Variants in EYS observed in about 807,000 individuals in gnomAD.
EYS encodes protein eyes shut homolog.
In EYS, 250 loss-of-function variants were observed where a neutral mutation model predicts 282.1. That is an observed-to-expected ratio of 0.89 (90% CI 0.80 to 0.98). EYS has a LOEUF of 0.98. EYS is among the 50% of genes least tolerant of loss of function. The probability of loss-of-function intolerance (pLI) is 0.00; values close to 1 mark genes in which losing one functional copy is unlikely to be tolerated. For synonymous variants in EYS, 1,355 were observed against 1,282.9 expected, an observed-to-expected ratio of 1.06 and a Z score of -1.20; for missense variants, 4,016 against 3,709.0, an observed-to-expected ratio of 1.08 and a Z score of -2.15.
chr6:64,362,679 C>T (rs559097393), intron 29 of EYS, among the ~76,000 whole-genome samples: 1 of 151,694 alleles, frequency 6.6e-6, no homozygotes, highest in South Asian at 2.1e-4. Flanking sequence ...TGTATCATTC[C>T]TGAGGTTTTT....
intron 30 of EYS, among the ~76,000 whole-genome samples, chr6:64,245,595 GA>G (rs1199537818): frequency 6.6e-6 from 1 of 152,122 alleles, no homozygotes; most frequent in Non-Finnish European, 1.5e-5. Flanking sequence ...GGCAACCTCT[GA>G]TCTTTGCAGA....
chr6:63,871,941 G>C (rs1215156829), intron 35 of EYS, among the ~76,000 whole-genome samples: 3 of 152,278 alleles, frequency 2.0e-5, no homozygotes, highest in African/African-American at 7.2e-5. Context: ...CTCCCCTGGA[G>C]AATTACCACC....
intron 12 of EYS, among the ~76,000 whole-genome samples, chr6:65,284,669 T>G (rs1373269599): frequency 6.7e-6 from 1 of 149,588 alleles, no homozygotes; most frequent in Non-Finnish European, 1.5e-5. Context: ...TTTAAATGTA[T>G]AATTAATCAC....
chr6:65,064,431 T>G, intron 12 of EYS, among the ~76,000 whole-genome samples: 1 of 145,794 alleles, frequency 6.9e-6, no homozygotes, highest in East Asian at 2.0e-4. Context: ...ATATACCATA[T>G]ATCATATATA....
intron 12 of EYS, among the ~76,000 whole-genome samples, chr6:65,193,297 C>T (rs566395542): frequency 6.6e-6 from 1 of 151,952 alleles, no homozygotes; most frequent in Non-Finnish European, 1.5e-5. Flanking sequence ...GCATCTGTAC[C>T]TAGAAAGTCT....
intron 33 of EYS, among the ~76,000 whole-genome samples, chr6:64,047,780 G>A (rs1342775979): frequency 6.6e-6 from 1 of 152,148 alleles, no homozygotes; most frequent in Non-Finnish European, 1.5e-5. Context: ...GACAAACTAC[G>A]TGTCCCTACT....
chr6:64,749,160 A>G (rs1278351422), intron 22 of EYS, among the ~76,000 whole-genome samples: 1 of 152,244 alleles, frequency 6.6e-6, no homozygotes, highest in Non-Finnish European at 1.5e-5. Flanking sequence ...AATATGGTAT[A>G]CAAGAGATTT....
intron 33 of EYS, among the ~76,000 whole-genome samples, chr6:64,055,704 G>T (rs543890138): frequency 6.6e-6 from 1 of 152,062 alleles, no homozygotes. Flanking sequence ...TTGTGGTTTT[G>T]GTATGATGAG....
chr6:64,226,047 T>C (rs1329800867), intron 31 of EYS, among the ~76,000 whole-genome samples: 1 of 152,160 alleles, frequency 6.6e-6, no homozygotes, highest in African/African-American at 2.4e-5. Flanking sequence ...TCTGATGATG[T>C]AGACCATCAG....
chr6:64,675,787 C>T (rs1769639739), intron 22 of EYS, among the ~76,000 whole-genome samples: 1 of 151,796 alleles, frequency 6.6e-6, no homozygotes, highest in African/African-American at 2.4e-5. Flanking sequence ...GCTTTCTCTA[C>T]CTATCCTGTA....
chr6:65,494,812 C>A lies in EYS; in HGVS notation c.599G>T (p.Cys200Phe). Residue 200 changes from cysteine to phenylalanine, a missense_variant, in exon 4 of 43, where the codon TGC becomes TTC. Physicochemically the swap from Cys to Phe is radical, Grantham distance 205. Coordinates refer to ENST00000503581, the MANE Select transcript of EYS (RefSeq NM_001142800.2). ...LSEAWSKTYSCHCQPPFSGKY... is the reference protein window; with the variant it reads ...LSEAWSKTYSFHCQPPFSGKY... ...TCCAGAAAATGGAGGCTGGCAATGG[C>A]AGCTATATGTCTTGCTCCAAGCTTC... is the stretch of plus-strand genomic sequence containing the variant. The A allele has an allele frequency of 6.2e-7, 1 of 1,614,066 alleles. No individual in the cohort carries two copies. The highest frequency in any genetic ancestry group is 1.3e-5 in the African/African-American group (1 of 75,024).
chr6:65,310,594 T>A (rs1769130450), intron 11 of EYS, among the ~76,000 whole-genome samples: 1 of 152,150 alleles, frequency 6.6e-6, no homozygotes, highest in Non-Finnish European at 1.5e-5. Context: ...CCTTGTCGTG[T>A]CTACCTCTTC....
At chr6:63,925,601 G>A (rs321483) in intron 35 of EYS, among the ~76,000 whole-genome samples, 78,130 of 152,070 alleles carry the variant, frequency 0.51, 21,346 homozygotes, top group Non-Finnish European at 0.61. Flanking sequence ...GTATACATGT[G>A]CCATGGTGGT....
chr6:64,328,518 G>A (rs673370), intron 29 of EYS, among the ~76,000 whole-genome samples: 165 of 152,298 alleles, frequency 1.1e-3, no homozygotes, highest in African/African-American at 3.6e-3. Context: ...GAGGCTGTGC[G>A]AGGCTTACCA....
chr6:65,266,989 T>TATAGAGAGAGAG lies in EYS; in HGVS notation c.2023+28873_2023+28874insCTCTCTCTCTAT, dbSNP rs144200033. On this transcript the variant is annotated intron_variant, in intron 12 of 42. Coordinates refer to ENST00000503581, the MANE Select transcript of EYS (RefSeq NM_001142800.2). ...ACACATACCTTGACATATATATATA[T>TATAGAGAGAGAG]AGAGAGAGAGAGAGAGAGAGATCAC... Among the ~76,000 whole-genome samples, 42 of 142,128 alleles carry TATAGAGAGAGAG rather than the reference T, an allele frequency of 3.0e-4. No individual in the cohort carries two copies. The South Asian group carries it at 5.5e-3, about 19-fold the overall frequency. 93.2% of individuals were successfully genotyped at this position (142,128 alleles called of 152,430 possible).
chr6:65,078,112 G>A (rs1024796764), intron 12 of EYS, among the ~76,000 whole-genome samples: 1 of 152,034 alleles, frequency 6.6e-6, no homozygotes, highest in African/African-American at 2.4e-5. Flanking sequence ...TGGTTGTCTT[G>A]TGTGGTGTGT....
At chr6:65,023,401 G>T (rs1447174016) in intron 13 of EYS, among the ~76,000 whole-genome samples, 2 of 152,056 alleles carry the variant, frequency 1.3e-5, no homozygotes, top group Non-Finnish European at 2.9e-5. Context: ...AATATAAAGA[G>T]ATTTTTAATT....
chr6:64,015,821 A>G (rs192929839), intron 33 of EYS, among the ~76,000 whole-genome samples: 168 of 152,338 alleles, frequency 1.1e-3, no homozygotes, highest in Middle Eastern at 3.4e-3. Context: ...ATGAGGGCTG[A>G]CAGGTTTGTG....
chr6:64,618,781 C>T lies in EYS; in HGVS notation c.3569-1248G>A, dbSNP rs80094495. Among the ~76,000 whole-genome samples the T allele has an allele frequency of 1.3e-4, 20 of 152,206 alleles. No individual in the cohort carries two copies. In the East Asian group the frequency reaches 3.9e-3, roughly 29 times the overall value. ...CCACTTTGCAATGCTCTTTCATGTG[C>T]TGGGCTGATTCTGCAGAGATCTCTA... On this transcript the variant is annotated intron_variant, in intron 23 of 42. Coordinates refer to ENST00000503581, the MANE Select transcript of EYS (RefSeq NM_001142800.2).
Sources: gnomAD v4.1 joint callset for allele counts (sites outside exome capture counted in the v4.1 genomes callset) on GRCh38, gnomAD v4.1.1 for gene constraint, MANE v1.5 for transcripts, NCBI Gene and HGNC (gene_info 2026-07-23, HGNC 2026-07-21) for gene names.